STT3B: variants seen among roughly 807,000 people sequenced by gnomAD.
STT3B encodes dolichyl-diphosphooligosaccharide--protein glycosyltransferase subunit STT3B.
Under a neutral mutation model 96.8 loss-of-function variants are expected in STT3B, and 29 were observed. The ratio of observed to expected loss-of-function variants is 0.30; its 90% CI spans 0.22 to 0.41. The LOEUF (loss-of-function observed/expected upper bound fraction) is 0.41, where lower values mean the gene tolerates loss of function less well. STT3B is among the 10% of genes least tolerant of loss of function. The pLI is 1.00. For synonymous variants in STT3B, 367 were observed against 360.0 expected (o/e 1.02, Z -0.22); for missense variants, 640 against 1,022.3 (o/e 0.63, Z 5.10).
chr3:31,553,958 A>G (rs558067678), intron 1 of STT3B, among the ~76,000 whole-genome samples: 201 of 152,332 alleles, frequency 1.3e-3, no homozygotes, highest in African/African-American at 4.7e-3. Flanking sequence ...CATAGATTAT[A>G]TCCATATTTT....
chr3:31,615,459 A>G (rs577308341), intron 6 of STT3B, among the ~76,000 whole-genome samples: 2 of 152,066 alleles, frequency 1.3e-5, no homozygotes, highest in African/African-American at 2.4e-5. Flanking sequence ...ATAGCAATAT[A>G]TAACTTTCAG....
In STT3B at chr3:31,579,778, G is replaced by A. The variant is rs202209382; in HGVS notation, c.424-31G>A. The A allele has an allele frequency of 1.6e-5, 24 of 1,540,232 alleles. No individual in the cohort carries two copies. The African/African-American group carries it at 2.5e-4, about 16-fold the overall frequency. On this transcript the variant is annotated intron_variant, in intron 2 of 15. Transcript: ENST00000295770. ...AATATTTTTGTGTCTCATTTTATATGTAATTAAATTTTCCATTTTTTTCTT... is the reference window on the plus strand; with the variant it reads ...AATATTTTTGTGTCTCATTTTATATATAATTAAATTTTCCATTTTTTTCTT...
intron 13 of STT3B, 120 bp downstream of exon 13, chr3:31,626,247 C>T (rs1029106231): frequency 4.4e-6 from 4 of 908,554 alleles, no homozygotes; most frequent in Non-Finnish European, 4.9e-6. Flanking sequence ...TAGTTCCTTA[C>T]CCTGGCTTTA....
At chr3:31,602,660 ATTTTTTTTT>A (rs11316900) in intron 5 of STT3B, among the ~76,000 whole-genome samples, 14 of 125,098 alleles carry the variant, frequency 1.1e-4, no homozygotes, top group Middle Eastern at 3.8e-3. Flanking sequence ...GGTAGCTGGG[ATTTTTTTTT>A]TTTTTTTTTT....
intron 1 of STT3B, among the ~76,000 whole-genome samples, chr3:31,565,979 T>A (rs1475980704): frequency 6.6e-6 from 1 of 152,200 alleles, no homozygotes; most frequent in Non-Finnish European, 1.5e-5. Context: ...TATATAGATA[T>A]AGATCTATAG....
At chr3:31,572,053 CATATATTAATATATTAA>C (rs1559370347) in intron 1 of STT3B, among the ~76,000 whole-genome samples, 4 of 82,656 alleles carry the variant, frequency 4.8e-5, no homozygotes, top group South Asian at 3.5e-4. Context: ...ATTAATATAT[CATATATTAATATATTAA>C]ATATATTAAT....
chr3:31,579,861 C>T lies in STT3B; in HGVS notation c.476C>T (p.Thr159Ile), dbSNP rs1698345464. The T allele has an allele frequency of 1.2e-6, 2 of 1,613,536 alleles. No individual in the cohort carries two copies. The highest frequency in any genetic ancestry group is 1.7e-6 in the Non-Finnish European group (2 of 1,179,670). Reference sequence around the variant, plus strand: ...GGCCTTATTCATTGGATTTTAAATACATTGAACATAACTGTTCACATAAGA... The same window carrying T: ...GGCCTTATTCATTGGATTTTAAATATATTGAACATAACTGTTCACATAAGA... ...TAGLIHWILN[T>I]LNITVHIRDV... Residue 159 changes from threonine (T) to isoleucine (I), a missense_variant, in exon 3 of 16, where the codon ACA (threonine) becomes ATA (isoleucine). Thr to Ile is a moderately conservative substitution (Grantham distance 89, BLOSUM62 -1). Transcript: ENST00000295770.
chr3:31,622,579 C>T (rs951229058), intron 10 of STT3B, among the ~76,000 whole-genome samples: 34 of 152,098 alleles, frequency 2.2e-4, no homozygotes, highest in African/African-American at 4.1e-4. Context: ...TGTTAATATA[C>T]CCTTCCATTT....
intron 8 of STT3B, 96 bp downstream of exon 8, chr3:31,618,084 C>G (rs1699348840): frequency 1.2e-6 from 1 of 854,748 alleles, no homozygotes; most frequent in South Asian, 1.4e-5. Flanking sequence ...AGTTCTTGGG[C>G]AACACTTCTA....
intron 5 of STT3B, among the ~76,000 whole-genome samples, chr3:31,609,046 C>T (rs567931241): frequency 6.6e-6 from 1 of 152,104 alleles, no homozygotes; most frequent in South Asian, 2.1e-4. Context: ...ACCTGGGAGG[C>T]GGAGGTCGCA....
Position 31,636,075 on chromosome 3 carries a change from C to A in STT3B, c.*11C>A. The A allele has an allele frequency of 6.3e-7, 1 of 1,585,082 alleles. No individual in the cohort carries two copies. Among genetic ancestry groups the A allele is most frequent in the Non-Finnish European group, 8.6e-7 (1 of 1,166,496 alleles). ...AAGAAGACTGTTTAAATGCACTGTT[C>A]TGGTTCCTAACTTGAAGCAGTTGTC... On this transcript the variant is annotated 3_prime_UTR_variant, in exon 16 of 16. Transcript: ENST00000295770.
intron 2 of STT3B, among the ~76,000 whole-genome samples, chr3:31,579,068 T>C (rs1698322041): frequency 6.6e-6 from 1 of 152,112 alleles, no homozygotes; most frequent in Non-Finnish European, 1.5e-5. Flanking sequence ...GAATGTCCTG[T>C]TCACTGTTCT....
At chr3:31,596,885 T>C in intron 4 of STT3B, 22 bp downstream of exon 4, 1 of 1,573,092 alleles carries the variant, frequency 6.4e-7, no homozygotes, top group South Asian at 1.1e-5. Flanking sequence ...TATTTGAGAC[T>C]ACATGAAGTC....
rs539146447 is a variant in STT3B at position 31,596,295 on chromosome 3, C to T, written c.712-503C>T. Among the ~76,000 whole-genome samples, 3 of 152,084 alleles carry T rather than the reference C, an allele frequency of 2.0e-5. No homozygotes were observed. In the East Asian group the frequency reaches 5.8e-4, roughly 29 times the overall value. ...AAAGAGTAACTAAAATAGAAGGAAA[C>T]TCTATATGGTATCCTGAGGCTGAGG... On this transcript the variant is annotated intron_variant, in intron 3 of 15. Transcript: ENST00000295770.
chr3:31,536,613 A>T (rs1409197094), intron 1 of STT3B, among the ~76,000 whole-genome samples: 2 of 152,198 alleles, frequency 1.3e-5, no homozygotes. Context: ...TAAATTTGTC[A>T]CCCAAGTTAT....
At chr3:31,568,978 A>G (rs1057123394) in intron 1 of STT3B, among the ~76,000 whole-genome samples, 4 of 152,098 alleles carry the variant, frequency 2.6e-5, no homozygotes, top group African/African-American at 9.7e-5. Flanking sequence ...AGTTCTATTT[A>G]AGCTGAGTTT....
rs376740327 is a variant in STT3B at position 31,623,721 on chromosome 3, G to A, written c.1587G>A (p.Glu529=). The A allele has an allele frequency of 9.9e-6, 16 of 1,613,518 alleles. No individual in the cohort carries two copies. In the African/African-American group the frequency reaches 2.1e-4, roughly 22 times the overall value. Residue 529 remains glutamate (E), a synonymous_variant, in exon 11 of 16, where the codon GAG becomes GAA. Coordinates refer to ENST00000295770, the MANE Select transcript of STT3B (RefSeq NM_178862.3). ...CAACTGAACAGGAAAAAACTGAAGA[G>A]GGATTAGGCCCTAATATAAAAAGCA... ...KHATEQEKTE[E]GLGPNIKSIV...
chr3:31,607,029 C>A (rs1027656973), intron 5 of STT3B, among the ~76,000 whole-genome samples: 5 of 152,172 alleles, frequency 3.3e-5, no homozygotes, highest in Non-Finnish European at 7.3e-5. Context: ...GGATTTTGGA[C>A]TTGCATGGGA....
rs534510845 is a variant in STT3B, at chr3:31,621,761, A to T, written c.1328-336A>T. Among the ~76,000 whole-genome samples the T allele has an allele frequency of 3.0e-4, 46 of 152,138 alleles. 2 individuals are homozygous for T. The East Asian group carries it at 5.0e-3, about 17-fold the overall frequency. On this transcript the variant is annotated intron_variant, in intron 9 of 15. Transcript: ENST00000295770. The stretch of plus-strand genomic sequence containing the variant: ...ATCTATAAATTTATTTTGCCTGGAG[A>T]TGTCATGCACAAATATGTTTTTATC...
Sources: gnomAD v4.1 joint callset for allele counts (sites outside exome capture counted in the v4.1 genomes callset) on GRCh38, gnomAD v4.1.1 for gene constraint, MANE v1.5 for transcripts, NCBI Gene and HGNC (gene_info 2026-07-23, HGNC 2026-07-21) for gene names.